Variants in SMOC2 observed in about 807,000 individuals in gnomAD.
The protein encoded by SMOC2 is SPARC-related modular calcium-binding protein 2.
Under a neutral mutation model 61.4 loss-of-function variants are expected in SMOC2, and 39 were observed. That is an observed-to-expected ratio of 0.64 (90% confidence interval 0.49 to 0.83). The LOEUF (loss-of-function observed/expected upper bound fraction) is 0.83, where lower values mean the gene tolerates loss of function less well. SMOC2 is among the 40% of genes least tolerant of loss of function. The pLI, the probability that SMOC2 is intolerant of heterozygous loss-of-function variation, is 0.00. For synonymous variants in SMOC2, 247 were observed against 239.9 expected, an observed-to-expected ratio of 1.03 and a Z score of -0.27; for missense variants, 556 against 592.9, an observed-to-expected ratio of 0.94 and a Z score of 0.65.
At chr6:168,511,437 C>A (rs2749262) in intron 2 of SMOC2, among the ~76,000 whole-genome samples, 136,193 of 152,068 alleles carry the variant, frequency 0.9, 61,905 homozygotes, top group East Asian at 1. Flanking sequence ...CTCATGAGAA[C>A]TCACTATGAT....
chr6:168,604,860 A>G (rs1385161082), intron 8 of SMOC2, among the ~76,000 whole-genome samples: 1 of 152,192 alleles, frequency 6.6e-6, no homozygotes, highest in East Asian at 1.9e-4. Context: ...TGCAGTTTCT[A>G]GTTGGACCCA....
At chr6:168,592,013 T>A (rs563135507) in intron 7 of SMOC2, among the ~76,000 whole-genome samples, 143 of 152,204 alleles carry the variant, frequency 9.4e-4, no homozygotes, top group Admixed American at 2.2e-3. Context: ...AGTAATATGA[T>A]TAGTTTAAAA....
At chr6:168,603,232 T>G in intron 8 of SMOC2, among the ~76,000 whole-genome samples, 1 of 145,012 alleles carries the variant, frequency 6.9e-6, no homozygotes. Flanking sequence ...AAACTGTGAG[T>G]CAATTAAACC....
At chr6:168,605,069 C>A (rs945485471) in intron 8 of SMOC2, among the ~76,000 whole-genome samples, 7 of 152,122 alleles carry the variant, frequency 4.6e-5, no homozygotes, top group African/African-American at 1.2e-4. Context: ...CAGCCACTAA[C>A]AGTAGTGAGG....
chr6:168,463,784 T>C (rs1411115830), intron 1 of SMOC2, among the ~76,000 whole-genome samples: 1 of 152,144 alleles, frequency 6.6e-6, no homozygotes, highest in Non-Finnish European at 1.5e-5. Context: ...AGGCATCATC[T>C]CTACAGGGGC....
intron 1 of SMOC2, among the ~76,000 whole-genome samples, chr6:168,477,949 G>A (rs896633261): frequency 6.6e-6 from 1 of 152,176 alleles, no homozygotes; most frequent in Admixed American, 6.5e-5. Flanking sequence ...GCTTCTCCAG[G>A]AGAAAACTGC....
chr6:168,492,127 GGTT>G (rs1782483724), intron 1 of SMOC2, among the ~76,000 whole-genome samples: 1 of 152,122 alleles, frequency 6.6e-6, no homozygotes, highest in Admixed American at 6.6e-5. Context: ...AGAAATTACA[GGTT>G]GTATCTGAAG....
At position 168,535,062 on chromosome 6, in the gene SMOC2, C is replaced by T. The variant is rs1482839551; in HGVS notation, c.463+7335C>T. Among the ~76,000 whole-genome samples, 3 of 152,072 alleles carry T rather than the reference C, an allele frequency of 2.0e-5. No homozygotes were observed. Among genetic ancestry groups the T allele is most frequent in the African/African-American group, 4.8e-5 (2 of 41,396 alleles). Reference sequence around the variant, plus strand: ...CTCGGCTCACTGCAACCTCCGCCTCCGGGGTTCAAGCGATTCTCCTGCCTC... The same window carrying T: ...CTCGGCTCACTGCAACCTCCGCCTCTGGGGTTCAAGCGATTCTCCTGCCTC... On this transcript the variant is annotated intron_variant, in intron 4 of 12. Coordinates refer to ENST00000356284, the MANE Select transcript of SMOC2 (RefSeq NM_001166412.2). This position sits in a 1 kb window ranked among gnomAD's most constrained non-coding sequence, Gnocchi z 4.6.
At chr6:168,631,214 ACT>A (rs969215617) in intron 9 of SMOC2, among the ~76,000 whole-genome samples, 1 of 151,946 alleles carries the variant, frequency 6.6e-6, no homozygotes, top group African/African-American at 2.4e-5. Flanking sequence ...TCTCTTTTGT[ACT>A]CTGTCCCTTT....
chr6:168,630,289 C>A (rs898805997), intron 9 of SMOC2, among the ~76,000 whole-genome samples: 1 of 152,148 alleles, frequency 6.6e-6, no homozygotes, highest in African/African-American at 2.4e-5. Flanking sequence ...GGCAGAAGAA[C>A]GTGGATTGTG....
In SMOC2 at chr6:168,441,393, G is replaced by GGCTGCC. The variant is rs1583019308; in HGVS notation, c.29_34dup (p.Pro10_Leu11dup). The stretch of plus-strand genomic sequence containing the variant: ...ACCATGCTGCTCCCCCAGCTCTGCT[G>GGCTGCC]GCTGCCGCTGCTCGCTGGGCTGCTC... On this transcript the variant is annotated inframe_insertion, in exon 1 of 13. Transcript: ENST00000356284. 6.6e-6 allele frequency: 10 copies of GGCTGCC among 1,509,174 alleles called. No individual in the cohort carries two copies. The East Asian group carries it at 2.8e-4, about 42-fold the overall frequency. 93.5% of individuals were successfully genotyped at this position (1,509,174 alleles called of 1,614,324 possible).
chr6:168,581,236 A>G (rs2115158542), intron 7 of SMOC2, among the ~76,000 whole-genome samples: 1 of 152,330 alleles, frequency 6.6e-6, no homozygotes, highest in South Asian at 2.1e-4. Flanking sequence ...TAAATGTTGT[A>G]TAATTAAAAA....
chr6:168,619,866 A>G (rs1288253133), intron 9 of SMOC2, among the ~76,000 whole-genome samples: 1 of 152,188 alleles, frequency 6.6e-6, no homozygotes, highest in Admixed American at 6.5e-5. Context: ...CATGGTTAGA[A>G]AGCCCACAGC....
intron 9 of SMOC2, among the ~76,000 whole-genome samples, chr6:168,643,107 C>T (rs1432429576): frequency 1.3e-5 from 2 of 152,280 alleles, no homozygotes; most frequent in East Asian, 1.9e-4. Context: ...TTCTTCTGAA[C>T]GTATTTCACA....
intron 9 of SMOC2, among the ~76,000 whole-genome samples, chr6:168,649,009 G>C (rs1042043236): frequency 6.6e-6 from 1 of 152,190 alleles, no homozygotes; most frequent in East Asian, 1.9e-4. Flanking sequence ...CGACCCAGGG[G>C]TCTGAGAATC....
intron 1 of SMOC2, among the ~76,000 whole-genome samples, chr6:168,482,075 A>G (rs1562549811): frequency 1.3e-5 from 2 of 152,002 alleles, no homozygotes; most frequent in Admixed American, 1.3e-4. Flanking sequence ...ACAGAAAAAT[A>G]ATAGAGGAAA....
At chr6:168,519,045 G>T (rs1383160525) in intron 2 of SMOC2, among the ~76,000 whole-genome samples, 2 of 151,576 alleles carry the variant, frequency 1.3e-5, no homozygotes, top group African/African-American at 4.8e-5. Flanking sequence ...ATGTGTGCAT[G>T]TGTGAGCATG....
chr6:168,502,470 G>C (rs1782753127), intron 1 of SMOC2, among the ~76,000 whole-genome samples: 1 of 152,198 alleles, frequency 6.6e-6, no homozygotes, highest in South Asian at 2.1e-4. Context: ...TATTTATTGG[G>C]TTTGTGGCTG....
At chr6:168,605,745 G>C (rs1247429992) in intron 8 of SMOC2, among the ~76,000 whole-genome samples, 2 of 152,166 alleles carry the variant, frequency 1.3e-5, no homozygotes, top group Admixed American at 1.3e-4. Context: ...GAAGGATACA[G>C]GTACTGATCC....
Sources: gnomAD v4.1 joint callset for allele counts (sites outside exome capture counted in the v4.1 genomes callset) on GRCh38, gnomAD v4.1.1 for gene constraint, Gnocchi (gnomAD v3.1) non-coding constraint, MANE v1.5 for transcripts, NCBI Gene and HGNC (gene_info 2026-07-23, HGNC 2026-07-21) for gene names.